Variants in FKTN observed in about 807,000 individuals in gnomAD.
FKTN encodes ribitol-5-phosphate transferase FKTN.
A neutral mutation model predicts 58.6 loss-of-function variants in FKTN; 47 were observed. The observed-to-expected ratio is 0.80, with a 90% CI of 0.63 to 1.02. The LOEUF is 1.02. Among genes scored for constraint, FKTN ranks in the 50% least tolerant of loss-of-function variants. FKTN has a pLI of 0.00. For synonymous variants in FKTN, 178 were observed against 191.9 expected, an observed-to-expected ratio of 0.93 and a Z score of 0.60; for missense variants, 516 against 537.3, an observed-to-expected ratio of 0.96 and a Z score of 0.39.
chr9:105,571,941 A>T (rs887835847), intron 1 of FKTN, among the ~76,000 whole-genome samples: 1 of 152,174 alleles, frequency 6.6e-6, no homozygotes, highest in Admixed American at 6.5e-5. Context: ...TTCAACTGGT[A>T]AGTGTAATCC....
Position 105,637,336 on chromosome 9 carries a change from G to A in FKTN, c.*2072G>A. ...AGTCTTAAGAGTGTCTGAAATCCAA[G>A]ACATCTTGGCCCAATTGACACAGGT... On this transcript the variant is annotated 3_prime_UTR_variant, in exon 11 of 11. Coordinates refer to ENST00000357998, the MANE Select transcript of FKTN (RefSeq NM_001079802.2). The A allele has an allele frequency of 1.0e-6, 1 of 985,280 alleles. No homozygotes were observed. The highest frequency in any genetic ancestry group is 1.2e-6 in the Non-Finnish European group (1 of 829,890). The allele number at this position is 985,280 out of a possible 1,614,324, so 61.0% of individuals were successfully genotyped here.
chr9:105,575,422 GATAAATAATT>G (rs2132024564), intron 3 of FKTN, among the ~76,000 whole-genome samples: 2 of 152,246 alleles, frequency 1.3e-5, no homozygotes, highest in East Asian at 3.9e-4. Context: ...TGAACTCAAT[GATAAATAATT>G]TTGATAAAAT....
intron 3 of FKTN, among the ~76,000 whole-genome samples, chr9:105,586,811 G>GT (rs1259066034): frequency 6.6e-6 from 1 of 152,134 alleles, no homozygotes; most frequent in Non-Finnish European, 1.5e-5. Context: ...TACTTTTAAG[G>GT]TTTACATTGC....
chr9:105,580,011 T>G (rs1187469495), intron 3 of FKTN, among the ~76,000 whole-genome samples: 2 of 151,872 alleles, frequency 1.3e-5, no homozygotes, highest in Non-Finnish European at 2.9e-5. Flanking sequence ...TTGTTTTCCA[T>G]TTGCTTGGTA....
At chr9:105,626,629 G>A (rs191935776) in intron 10 of FKTN, among the ~76,000 whole-genome samples, 1 of 152,164 alleles carries the variant, frequency 6.6e-6, no homozygotes, top group Admixed American at 6.5e-5. Flanking sequence ...CTTGGTCGTA[G>A]GGTATTCTTG....
At chr9:105,606,022 G>A (rs1828831059) in intron 6 of FKTN, among the ~76,000 whole-genome samples, 1 of 151,942 alleles carries the variant, frequency 6.6e-6, no homozygotes, top group South Asian at 2.1e-4. Flanking sequence ...CACCTACTAT[G>A]TACCTACAAA....
intron 6 of FKTN, among the ~76,000 whole-genome samples, chr9:105,606,653 G>A (rs1217612057): frequency 6.7e-6 from 1 of 149,590 alleles, no homozygotes; most frequent in Non-Finnish European, 1.5e-5. Flanking sequence ...AAGTGTAAGA[G>A]TATGTTTATT....
intron 7 of FKTN, among the ~76,000 whole-genome samples, chr9:105,609,737 T>C (rs940400652): frequency 4.6e-5 from 7 of 152,174 alleles, no homozygotes; most frequent in Non-Finnish European, 8.8e-5. Context: ...TTAGAAGGTA[T>C]AGAAGTGGTG....
intron 3 of FKTN, among the ~76,000 whole-genome samples, chr9:105,594,277 T>A (rs1329299993): frequency 6.6e-6 from 1 of 152,166 alleles, no homozygotes; most frequent in East Asian, 1.9e-4. Context: ...TTTTGAAAAT[T>A]ATTTTCAAAT....
rs895237318 is a variant in FKTN at position 105,575,555 on chromosome 9, G to A, written c.105+418G>A. 5.9e-5 allele frequency among the ~76,000 whole-genome samples: 9 copies of A among 152,240 alleles called. No individual in the cohort carries two copies. In the South Asian group the frequency reaches 1.7e-3, roughly 28 times the overall value. ...TGTATAGGAATAAAGTAGAGACAATGATGTGGAAATCAATAGCTTCTGAAG... is the reference window on the plus strand; with the variant it reads ...TGTATAGGAATAAAGTAGAGACAATAATGTGGAAATCAATAGCTTCTGAAG... On this transcript the variant is annotated intron_variant, in intron 3 of 10. Transcript: ENST00000357998.
chr9:105,560,589 A>G (rs1838112171), intron 1 of FKTN, among the ~76,000 whole-genome samples: 1 of 152,186 alleles, frequency 6.6e-6, no homozygotes, highest in Non-Finnish European at 1.5e-5. Context: ...CTCCCTACCC[A>G]GAGATAACCA....
At chr9:105,565,777 C>G (rs1839459280) in intron 1 of FKTN, among the ~76,000 whole-genome samples, 2 of 152,154 alleles carry the variant, frequency 1.3e-5, no homozygotes, top group Non-Finnish European at 2.9e-5. Context: ...AGGAATTGAA[C>G]TCAACTCTGC....
intron 1 of FKTN, among the ~76,000 whole-genome samples, chr9:105,564,305 TTC>T (rs1423443961): frequency 6.6e-6 from 1 of 152,198 alleles, no homozygotes; most frequent in Admixed American, 6.5e-5. Flanking sequence ...GGAGAATGAC[TTC>T]GACAAGTTGA....
rs1426488921 is a variant in FKTN, at chr9:105,561,066, C to T, written c.-181+2901C>T. 2.0e-5 allele frequency among the ~76,000 whole-genome samples: 3 copies of T among 149,724 alleles called. No homozygotes were observed. The East Asian group carries it at 5.9e-4, about 29-fold the overall frequency. On this transcript the variant is annotated intron_variant, in intron 1 of 10. Coordinates refer to ENST00000357998, the MANE Select transcript of FKTN (RefSeq NM_001079802.2). ...GTGCCACTGCACTCCAGCCTGGCAA[C>T]AGAGCAAGAATCCGTCTCAAAAAAC...
At chr9:105,605,314 A>C (rs1212848971) in intron 6 of FKTN, among the ~76,000 whole-genome samples, 1 of 152,168 alleles carries the variant, frequency 6.6e-6, no homozygotes, top group African/African-American at 2.4e-5. Flanking sequence ...TTATTTTAAT[A>C]TAAAGAACAA....
intron 10 of FKTN, among the ~76,000 whole-genome samples, chr9:105,623,734 C>T (rs1832345486): frequency 6.6e-6 from 1 of 152,156 alleles, no homozygotes; most frequent in African/African-American, 2.4e-5. Flanking sequence ...AACTTAGTTT[C>T]TGCTCTTAAG....
In FKTN at chr9:105,638,551, T is replaced by C. The variant is rs1228152041; in HGVS notation, c.*3287T>C. Reference sequence around the variant, plus strand: ...AGCACCAACCTGCTAAATGCCTGTATTTGAAGTCTCTCCCCTTCCTGAAGT... The same window carrying C: ...AGCACCAACCTGCTAAATGCCTGTACTTGAAGTCTCTCCCCTTCCTGAAGT... On this transcript the variant is annotated 3_prime_UTR_variant, in exon 11 of 11. Transcript: ENST00000357998. 2.0e-6 allele frequency: 2 copies of C among 985,420 alleles called. No individual in the cohort carries two copies. The highest frequency in any genetic ancestry group is 1.7e-5 in the African/African-American group (1 of 57,354). 61.0% of individuals were successfully genotyped at this position (985,420 alleles called of 1,614,324 possible). A position where few individuals can be genotyped will look rare whatever the true frequency, so the allele number is the denominator to read the frequency against.
At position 105,574,931 on chromosome 9, in the gene FKTN, T is replaced by G. The variant is rs1435461532; in HGVS notation, c.-88-14T>G. The G allele has an allele frequency of 6.7e-6, 5 of 740,774 alleles. No homozygotes were observed. Among genetic ancestry groups the G allele is most frequent in the Non-Finnish European group, 1.2e-5 (5 of 404,642 alleles). The allele number at this position is 740,774 out of a possible 1,614,324, so 45.9% of individuals were successfully genotyped here. On this transcript the variant is annotated splice_polypyrimidine_tract_variant and intron_variant, in intron 2 of 10. Transcript: ENST00000357998. ...AGGTTTTTGTTTCTTTAAAAATATC[T>G]TTTTTGTTCACAGAAAACAAAATTA...
chr9:105,611,377 C>T (rs1829881960), intron 7 of FKTN, among the ~76,000 whole-genome samples: 1 of 151,948 alleles, frequency 6.6e-6, no homozygotes, highest in Non-Finnish European at 1.5e-5. Flanking sequence ...CTTGTAAGTT[C>T]AGGGGTACAA....
Sources: allele counts gnomAD v4.1 joint callset (sites outside exome capture counted in the v4.1 genomes callset), GRCh38; gene constraint gnomAD v4.1.1; transcripts MANE v1.5; gene names NCBI Gene and HGNC (gene_info 2026-07-23, HGNC 2026-07-21).